The following EMC1 variants were observed in gnomAD, a reference collection of about 807,000 sequenced individuals.
EMC1 encodes the protein ER membrane protein complex subunit 1, also known as KIAA0090.
In EMC1, 103 loss-of-function variants were observed where a neutral mutation model predicts 128.8. The ratio of observed to expected loss-of-function variants is 0.80; its 90% CI spans 0.68 to 0.94. The LOEUF (loss-of-function observed/expected upper bound fraction) is 0.94. Ranked by LOEUF, EMC1 falls within the 40% of genes least tolerant of loss-of-function variation. The pLI is 0.00. For missense variants in EMC1, 1,083 were observed against 1,250.6 expected, an observed-to-expected ratio of 0.87 and a Z score of 2.02; for synonymous variants, 442 against 490.4, an observed-to-expected ratio of 0.90 and a Z score of 1.30.
At position 19,230,888 on chromosome 1, in the gene EMC1, C is replaced by T. The variant is rs759027803; in HGVS notation, c.2020G>A (p.Val674Met). 1.2e-6 allele frequency: 2 copies of T among 1,614,208 alleles called. No homozygotes were observed. Among genetic ancestry groups the T allele is most frequent in the Middle Eastern group, 1.6e-4 (1 of 6,062 alleles). Residue 674 changes from valine (V) to methionine (M), a missense_variant, in exon 17 of 23, where the codon GTG becomes ATG. By Grantham distance (21) the Val-to-Met change is conservative (BLOSUM62 1). Coordinates refer to ENST00000477853, the MANE Select transcript of EMC1 (RefSeq NM_015047.3). ...CACAGCCGTCCCTGCTCTGCATCCA[C>T]CAAATAGAAGAAGATGGAAGGGGCA... ...ELAPSIFFYL[V>M]DAEQGRLCGY...
In EMC1 at chr1:19,222,819, TGTTCCAGTACTGGTACTGCAGG is replaced by T; in HGVS notation, c.2377-7_2391del. 6.2e-7 allele frequency: 1 copy of T among 1,611,506 alleles called. No individual in the cohort carries two copies. The highest frequency in any genetic ancestry group is 8.5e-7 in the Non-Finnish European group (1 of 1,178,280). ...GTAAACTCGTTGCGCCGAGCCTTGG[TGTTCCAGTACTGGTACTGCAGG>T]GATAGGAGGTGGCAGCTCAGGGCTT... On this transcript the variant is annotated splice_acceptor_variant and splice_polypyrimidine_tract_variant and coding_sequence_variant and intron_variant, in exon 20 of 23. Transcript: ENST00000477853. LOFTEE classifies it high-confidence loss of function.
intron 2 of EMC1, 28 bp from the exon 3 acceptor site, chr1:19,244,043 T>C (rs1421860549): frequency 6.2e-7 from 1 of 1,612,508 alleles, no homozygotes; most frequent in Non-Finnish European, 8.5e-7. Flanking sequence ...TAGACATTAC[T>C]ATGAACAAAA....
intron 5 of EMC1, 117 bp downstream of exon 5, chr1:19,242,228 G>T (rs710866): frequency 1.9e-6 from 2 of 1,077,792 alleles, no homozygotes; most frequent in Non-Finnish European, 2.7e-6. Flanking sequence ...ACACTCCATG[G>T]AACACCAACA....
At chr1:19,248,151 C>T (rs1321530377) in intron 1 of EMC1, among the ~76,000 whole-genome samples, 2 of 152,164 alleles carry the variant, frequency 1.3e-5, no homozygotes, top group African/African-American at 4.8e-5. Context: ...TATTGATGAT[C>T]CTGACCCTAT....
chr1:19,223,632 G>A (rs2093449139), intron 18 of EMC1, 63 bp from the exon 19 acceptor site: 2 of 1,489,104 alleles, frequency 1.3e-6, no homozygotes, highest in African/African-American at 2.8e-5. Flanking sequence ...CCATTCCTGT[G>A]CTGTGAGACC....
At chr1:19,240,088 GC>G in intron 7 of EMC1, 103 bp from the exon 8 acceptor site, 1 of 1,299,574 alleles carries the variant, frequency 7.7e-7, no homozygotes. Flanking sequence ...AAGTAACTGG[GC>G]CATGGCAGGT....
At chr1:19,222,903 A>AAGGC in intron 19 of EMC1, 69 bp from the exon 20 acceptor site, 1 of 1,196,434 alleles carries the variant, frequency 8.4e-7, no homozygotes, top group Non-Finnish European at 1.2e-6. Flanking sequence ...ATTGCACTGG[A>AAGGC]AGGCACCCCT....
At chr1:19,251,313 A>T in intron 1 of EMC1, 102 bp downstream of exon 1, 1 of 1,122,906 alleles carries the variant, frequency 8.9e-7, no homozygotes, top group Admixed American at 2.0e-5. Context: ...GGGTCCTGCA[A>T]ATTATGCGGC....
At chr1:19,244,099 T>TATTTCTTA in intron 2 of EMC1, 84 bp from the exon 3 acceptor site, 2 of 1,311,078 alleles carry the variant, frequency 1.5e-6, no homozygotes, top group Non-Finnish European at 1.1e-6. Context: ...GCTCTTCATT[T>TATTTCTTA]GCACAGCAAT....
Position 19,225,438 on chromosome 1 carries a change from T to G in EMC1, c.2203-1869A>C, listed in dbSNP as rs532403931. ...AGGCCAAGGCGGGCAGATCACGAGA[T>G]CAAGAGATCAAGACCATCCTGGCCA... On this transcript the variant is annotated intron_variant, in intron 18 of 22. Coordinates refer to ENST00000477853, the MANE Select transcript of EMC1 (RefSeq NM_015047.3). 3.9e-3 allele frequency among the ~76,000 whole-genome samples: 594 copies of G among 152,068 alleles called. 3 individuals carry two copies. The highest frequency in any genetic ancestry group is 0.013 in the African/African-American group (527 of 41,488).
intron 20 of EMC1, 88 bp downstream of exon 20, chr1:19,222,536 G>T: frequency 8.4e-7 from 1 of 1,188,110 alleles, no homozygotes; most frequent in Non-Finnish European, 1.2e-6. Flanking sequence ...GTTCAACAAG[G>T]CTCTGCCAGC....
intron 15 of EMC1, among the ~76,000 whole-genome samples, 180 bp from the exon 16 acceptor site, chr1:19,231,602 A>T (rs60543370): frequency 0.12 from 17,970 of 152,176 alleles, 1,153 homozygotes; most frequent in African/African-American, 0.16. Context: ...TCACAAAGAA[A>T]AAAGTCAAAC....
chr1:19,243,752 G>A (rs754245432), intron 3 of EMC1, 45 bp from the exon 4 acceptor site: 176 of 1,595,320 alleles, frequency 1.1e-4, no homozygotes, highest in Non-Finnish European at 1.5e-4. Context: ...CACTTGCTCT[G>A]TCGCTTCCTA....
chr1:19,227,125 T>C (rs922682266), intron 18 of EMC1, among the ~76,000 whole-genome samples, 188 bp downstream of exon 18: 2 of 152,150 alleles, frequency 1.3e-5, no homozygotes, highest in Non-Finnish European at 2.9e-5. Context: ...GAACATCCCA[T>C]GTGATCATCA....
rs944674456 is a variant in EMC1, at chr1:19,217,606, G to C, written c.*1697C>G. On this transcript the variant is annotated 3_prime_UTR_variant, in exon 23 of 23. Coordinates refer to ENST00000477853, the MANE Select transcript of EMC1 (RefSeq NM_015047.3). ...TAAAGGACAAATACCTTCCCTCCCA[G>C]TAGCTTGTTTCAGATTCTGGCACAC... The C allele has an allele frequency of 6.6e-6, 1 of 152,024 alleles. No individual in the cohort carries two copies. Among genetic ancestry groups the C allele is most frequent in the African/African-American group, 2.4e-5 (1 of 41,374 alleles). 9.4% of individuals were successfully genotyped at this position (152,024 alleles called of 1,614,324 possible).
Position 19,244,962 on chromosome 1 carries a change from A to G in EMC1, c.164T>C (p.Val55Ala), listed in dbSNP as rs2093625374. The change falls in exon 2 of 23, where the codon GTT (valine) becomes GCT (alanine). Residue 55 changes from valine (V) to alanine (A), a missense_variant. Physicochemically the swap from Val to Ala is moderately conservative, Grantham distance 64 (BLOSUM62 0). Coordinates refer to ENST00000477853, the MANE Select transcript of EMC1 (RefSeq NM_015047.3). Reference protein sequence around the residue: ...LEFSPGSKKLVVATEKNVIAA... With the variant: ...LEFSPGSKKLAVATEKNVIAA... ...AATCACATTCTTCTCTGTGGCTACA[A>G]CCAACTTCTTGGATCCAGGGGAAAA... 2.5e-6 allele frequency: 4 copies of G among 1,613,916 alleles called. No individual in the cohort carries two copies. In the South Asian group the frequency reaches 3.3e-5, roughly 13 times the overall value.
intron 1 of EMC1, among the ~76,000 whole-genome samples, chr1:19,246,825 A>G (rs1225176633): frequency 6.6e-6 from 1 of 152,166 alleles, no homozygotes; most frequent in East Asian, 1.9e-4. Flanking sequence ...AAAATGTAAT[A>G]TATCACTCTT....
intron 1 of EMC1, among the ~76,000 whole-genome samples, chr1:19,250,140 C>T (rs1436067923): frequency 6.9e-6 from 1 of 144,186 alleles, no homozygotes; most frequent in African/African-American, 2.6e-5. Context: ...ATCGCTTGAA[C>T]CCCAGAGGCG....
At chr1:19,237,670 C>T (rs2093576028) in intron 11 of EMC1, among the ~76,000 whole-genome samples, 1 of 152,168 alleles carries the variant, frequency 6.6e-6, no homozygotes, top group Admixed American at 6.5e-5. Context: ...ACCGCAGTGA[C>T]ACCTCTTACT....
Sources: gnomAD v4.1 joint callset for allele counts (sites outside exome capture counted in the v4.1 genomes callset) on GRCh38, gnomAD v4.1.1 for gene constraint, MANE v1.5 for transcripts, NCBI Gene and HGNC (gene_info 2026-07-23, HGNC 2026-07-21) for gene names.